PHGR1: variants seen among roughly 807,000 people sequenced by gnomAD.
The protein encoded by PHGR1 is proline, histidine and glycine-rich protein 1.
In PHGR1, 3 loss-of-function variants were observed where a neutral mutation model predicts 4.9. The ratio of observed to expected loss-of-function variants is 0.61; its 90% confidence interval spans 0.28 to 1.58. PHGR1 has a LOEUF of 1.58. PHGR1 is among the 40% of genes most tolerant of loss of function. The probability of loss-of-function intolerance (pLI) is 0.11; values close to 1 mark genes in which losing one functional copy is unlikely to be tolerated. For synonymous variants in PHGR1, 32 were observed against 46.1 expected (o/e 0.69, Z 1.24); for missense variants, 81 against 118.7 (o/e 0.68, Z 1.48).
intron 1 of PHGR1, among the ~76,000 whole-genome samples, 152 bp from the exon 2 acceptor site, chr15:40,353,080 G>A (rs1438571488): frequency 6.6e-6 from 1 of 151,660 alleles, no homozygotes. Context: ...AAGCCGGAGG[G>A]AGCAGTTTTT....
intron 2 of PHGR1, 119 bp from the exon 3 acceptor site, chr15:40,354,226 C>T (rs1303055815): frequency 4.8e-6 from 5 of 1,042,182 alleles, no homozygotes; most frequent in Non-Finnish European, 5.6e-6. Context: ...GTCTGAGAGG[C>T]CCTGTTGGGT....
At chr15:40,352,295 C>T (rs1326076728) in intron 1 of PHGR1, among the ~76,000 whole-genome samples, 2 of 152,038 alleles carry the variant, frequency 1.3e-5, no homozygotes, top group African/African-American at 4.8e-5. Flanking sequence ...GTATTGGGGG[C>T]GCTGTTTGTT....
intron 3 of PHGR1, 24 bp downstream of exon 3, chr15:40,354,376 T>C (rs985308614): frequency 5.9e-6 from 9 of 1,532,228 alleles, no homozygotes; most frequent in Non-Finnish European, 7.0e-6. Context: ...CCCAATGGTC[T>C]CCCCTTTTTC....
chr15:40,352,570 C>T (rs1290207362), intron 1 of PHGR1, among the ~76,000 whole-genome samples: 3 of 152,142 alleles, frequency 2.0e-5, no homozygotes, highest in African/African-American at 7.2e-5. Context: ...TCCAAGCTCC[C>T]ACCCCCTTCC....
At chr15:40,355,255 C>G (rs1889274639) in intron 3 of PHGR1, among the ~76,000 whole-genome samples, 1 of 151,848 alleles carries the variant, frequency 6.6e-6, no homozygotes, top group Admixed American at 6.5e-5. Flanking sequence ...CACACTTTTT[C>G]CAGACCTCTT....
chr15:40,353,527 A>C, intron 2 of PHGR1: 1 of 488,514 alleles, frequency 2.0e-6, no homozygotes, highest in African/African-American at 1.9e-5. Context: ...CCGCACACTC[A>C]AGGCCCAGGG....
intron 3 of PHGR1, among the ~76,000 whole-genome samples, chr15:40,355,821 C>T (rs1889284775): frequency 1.3e-5 from 2 of 152,176 alleles, no homozygotes; most frequent in South Asian, 2.1e-4. Context: ...GTACAGGGAG[C>T]GGGAGTCATA....
rs1044902377 is a variant in PHGR1, at chr15:40,353,143, G to A, written c.-26-89G>A. ...TGTGTGTGTGTGTGTGTGTGTGTGT[G>A]TGTGCGCGCGCGCGCGCATCCGTGG... On this transcript the variant is annotated intron_variant, in intron 1 of 3. Transcript: ENST00000448599. 3.1e-5 allele frequency: 31 copies of A among 1,014,150 alleles called. No homozygotes were observed. The East Asian group carries it at 8.6e-4, about 28-fold the overall frequency. 62.8% of individuals were successfully genotyped at this position (1,014,150 alleles called of 1,614,324 possible).
chr15:40,352,244 G>T (rs1347306937), intron 1 of PHGR1, among the ~76,000 whole-genome samples: 1 of 152,164 alleles, frequency 6.6e-6, no homozygotes, highest in Non-Finnish European at 1.5e-5. Flanking sequence ...AGAAAAAAAA[G>T]AGGTTCAGGG....
chr15:40,355,633 C>T (rs2141255638), intron 3 of PHGR1, among the ~76,000 whole-genome samples: 1 of 152,282 alleles, frequency 6.6e-6, no homozygotes, highest in East Asian at 1.9e-4. Flanking sequence ...CTCCCCCTGC[C>T]CCTGGCCTTC....
rs367862540 is a variant in PHGR1 at position 40,354,395 on chromosome 15, G to C, written c.18+43G>C. ...ATGGTCTCCCCTTTTTCCTCCCACTGTCATGTCCTCCAGACCCCTAGCCTC... is the reference window on the plus strand; with the variant it reads ...ATGGTCTCCCCTTTTTCCTCCCACTCTCATGTCCTCCAGACCCCTAGCCTC... On this transcript the variant is annotated intron_variant, in intron 3 of 3. Coordinates refer to ENST00000448599, the MANE Select transcript of PHGR1 (RefSeq NM_001145643.2). 14 of 1,520,924 alleles carry C rather than the reference G, an allele frequency of 9.2e-6. No individual in the cohort carries two copies. The East Asian group carries it at 2.9e-4, about 32-fold the overall frequency. 94.2% of individuals were successfully genotyped at this position (1,520,924 alleles called of 1,614,324 possible).
At position 40,354,327 on chromosome 15, in the gene PHGR1, T is replaced by C. The variant is rs200947447; in HGVS notation, c.11-18T>C. The stretch of plus-strand genomic sequence containing the variant: ...AATGACCAAAGCTGCTTCTTTTTTT[T>C]CCCTTCCTCTCCCACAGGTCCGAAG... On this transcript the variant is annotated intron_variant, in intron 2 of 3. Coordinates refer to ENST00000448599, the MANE Select transcript of PHGR1 (RefSeq NM_001145643.2). 10 of 1,522,776 alleles carry C rather than the reference T, an allele frequency of 6.6e-6. No individual in the cohort carries two copies. The highest frequency in any genetic ancestry group is 1.4e-5 in the African/African-American group (1 of 70,296). The allele number at this position is 1,522,776 out of a possible 1,614,324, so 94.3% of individuals were successfully genotyped here.
intron 1 of PHGR1, among the ~76,000 whole-genome samples, chr15:40,352,139 G>A (rs1889214649): frequency 6.6e-6 from 1 of 152,092 alleles, no homozygotes; most frequent in African/African-American, 2.4e-5. Context: ...GGAGGTCGAG[G>A]CTTCAGTGAG....
Position 40,356,329 on chromosome 15 carries a change from G to A in PHGR1, c.*26G>A, listed in dbSNP as rs765828837. On this transcript the variant is annotated 3_prime_UTR_variant, in exon 4 of 4. Transcript: ENST00000448599. ...GGAAGTAGAAGAAAACAGGACACAA[G>A]ATGGCAAGCCTGAGAGAATTGCCCA... 6.5e-7 allele frequency: 1 copy of A among 1,549,806 alleles called. No individual in the cohort carries two copies. Among genetic ancestry groups the A allele is most frequent in the Admixed American group, 2.0e-5 (1 of 50,982 alleles).
At chr15:40,352,897 G>A (rs7164581) in intron 1 of PHGR1, among the ~76,000 whole-genome samples, 1 of 152,088 alleles carries the variant, frequency 6.6e-6, no homozygotes, top group African/African-American at 2.4e-5. Context: ...AAGAGGAATC[G>A]GATTAACACA....
At chr15:40,355,098 C>T (rs1411802836) in intron 3 of PHGR1, among the ~76,000 whole-genome samples, 1 of 152,102 alleles carries the variant, frequency 6.6e-6, no homozygotes, top group African/African-American at 2.4e-5. Flanking sequence ...GGCCCCAGAC[C>T]CCGAGTCCCC....
chr15:40,355,304 C>G (rs1889275190), intron 3 of PHGR1, among the ~76,000 whole-genome samples: 1 of 152,116 alleles, frequency 6.6e-6, no homozygotes, highest in Non-Finnish European at 1.5e-5. Flanking sequence ...ACTTTCTATT[C>G]TTCCTGATTT....
chr15:40,353,140 TGTGTGTGCGCGC>T, intron 1 of PHGR1, 80 bp from the exon 2 acceptor site: 2 of 930,846 alleles, frequency 2.1e-6, no homozygotes, highest in Middle Eastern at 2.6e-4. Flanking sequence ...TGTGTGTGTG[TGTGTGTGCGCGC>T]GCGCGCGCAT....
intron 1 of PHGR1, 82 bp from the exon 2 acceptor site, chr15:40,353,144 TGTGCGC>T (rs1232432944): frequency 4.4e-6 from 4 of 899,688 alleles, no homozygotes; most frequent in Non-Finnish European, 5.0e-6. Flanking sequence ...TGTGTGTGTG[TGTGCGC>T]GCGCGCGCGC....
Sources: allele counts gnomAD v4.1 joint callset (sites outside exome capture counted in the v4.1 genomes callset), GRCh38; gene constraint gnomAD v4.1.1; transcripts MANE v1.5; gene names NCBI Gene and HGNC (gene_info 2026-07-23, HGNC 2026-07-21).